RIMS2: variants seen among roughly 807,000 people sequenced by gnomAD.
The protein encoded by RIMS2 is regulating synaptic membrane exocytosis protein 2.
Under a neutral mutation model 174.4 loss-of-function variants are expected in RIMS2, and 59 were observed. The ratio of observed to expected loss-of-function variants is 0.34; its 90% confidence interval spans 0.27 to 0.42. The LOEUF is 0.42. RIMS2 is among the 10% of genes least tolerant of loss of function. RIMS2 has a pLI of 1.00. For synonymous variants in RIMS2, 606 were observed against 572.5 expected (o/e 1.06, Z -0.84); for missense variants, 1,620 against 1,666.3 (o/e 0.97, Z 0.48).
At chr8:104,239,880 T>C (rs1434903070) in intron 19 of RIMS2, among the ~76,000 whole-genome samples, 1 of 152,138 alleles carries the variant, frequency 6.6e-6, no homozygotes, top group Non-Finnish European at 1.5e-5. Context: ...TGGGCTGAGT[T>C]CTTGTCTGGA....
intron 4 of RIMS2, among the ~76,000 whole-genome samples, chr8:103,899,653 C>T (rs1474718014): frequency 6.6e-6 from 1 of 151,540 alleles, no homozygotes; most frequent in Non-Finnish European, 1.5e-5. Context: ...CAAAAATTTT[C>T]TCCCATTCTG....
intron 1 of RIMS2, among the ~76,000 whole-genome samples, chr8:103,571,156 T>A (rs1477612939): frequency 6.6e-6 from 1 of 152,234 alleles, no homozygotes; most frequent in Admixed American, 6.5e-5. Flanking sequence ...CTGTGATGTG[T>A]CTATGCTCTA....
intron 12 of RIMS2, among the ~76,000 whole-genome samples, chr8:103,934,871 G>C (rs1035379056): frequency 1.3e-4 from 19 of 151,898 alleles, no homozygotes; most frequent in African/African-American, 4.6e-4. Flanking sequence ...CTAATTTTTT[G>C]TATTTTTGGT....
At chr8:103,975,488 G>T in exon 16 of RIMS2, 1 of 1,613,212 alleles carries the variant, frequency 6.2e-7, no homozygotes, top group Non-Finnish European at 8.5e-7. Context: ...TGGTCACCCA[G>T]TGTCCCTCCT....
intron 12 of RIMS2, among the ~76,000 whole-genome samples, chr8:103,932,963 T>C (rs888955098): frequency 4.6e-5 from 7 of 151,388 alleles, no homozygotes; most frequent in African/African-American, 1.5e-4. Flanking sequence ...TTGAGACCAG[T>C]CTGGCCAACA....
intron 19 of RIMS2, among the ~76,000 whole-genome samples, chr8:104,226,538 T>C (rs934905289): frequency 6.6e-6 from 1 of 152,226 alleles, no homozygotes; most frequent in East Asian, 1.9e-4. Context: ...TAGGTAGATG[T>C]GCTCCTTTCC....
chr8:104,223,417 G>C, intron 19 of RIMS2: 2 of 1,273,340 alleles, frequency 1.6e-6, no homozygotes, highest in East Asian at 3.3e-5. Flanking sequence ...CGCTCCGCCC[G>C]CCACCGCCTC....
chr8:103,849,294 G>A (rs1404669123), intron 3 of RIMS2, among the ~76,000 whole-genome samples: 2 of 151,984 alleles, frequency 1.3e-5, no homozygotes, highest in African/African-American at 4.8e-5. Flanking sequence ...TTCACTCCTG[G>A]CATTAATTGT....
intron 4 of RIMS2, among the ~76,000 whole-genome samples, chr8:103,909,353 A>G (rs1010811797): frequency 6.6e-6 from 1 of 152,104 alleles, no homozygotes; most frequent in African/African-American, 2.4e-5. Flanking sequence ...GCAAATAAGC[A>G]TGTAAGTTTG....
chr8:103,506,481 AC>A (rs1291600316), intron 1 of RIMS2, among the ~76,000 whole-genome samples: 1 of 152,094 alleles, frequency 6.6e-6, no homozygotes, highest in East Asian at 1.9e-4. Context: ...TTGAGTAATA[AC>A]ACCTATTTTG....
intron 1 of RIMS2, among the ~76,000 whole-genome samples, chr8:103,667,006 G>A: frequency 6.6e-6 from 1 of 152,176 alleles, no homozygotes; most frequent in Non-Finnish European, 1.5e-5. Context: ...AGAATACAGT[G>A]CACCAGGGAG....
rs1246714393 is a variant in RIMS2 at position 103,618,225 on chromosome 8, GA to G, written c.177-78858del. ...CTGGAGGCTAAGTAACACAGGAACA[GA>G]AAGCCAAATACCACATATTCTCACT... On this transcript the variant is annotated intron_variant, in intron 1 of 23. Coordinates refer to ENST00000504942, the Ensembl canonical transcript of RIMS2. Among the ~76,000 whole-genome samples the G allele has an allele frequency of 2.0e-5, 3 of 152,060 alleles. No homozygotes were observed. In the East Asian group the frequency reaches 5.8e-4, roughly 29 times the overall value.
chr8:103,594,066 T>C (rs960780111), intron 1 of RIMS2, among the ~76,000 whole-genome samples: 2 of 151,604 alleles, frequency 1.3e-5, no homozygotes, highest in Non-Finnish European at 1.5e-5. Context: ...ATTTGCAACC[T>C]CAAAATTAAT....
intron 19 of RIMS2, among the ~76,000 whole-genome samples, chr8:104,077,017 A>G (rs1047042522): frequency 6.6e-6 from 1 of 151,824 alleles, no homozygotes; most frequent in South Asian, 2.1e-4. Flanking sequence ...GCAGGGTTTC[A>G]CCACGTTGGC....
At chr8:103,857,984 A>C (rs1483049792) in intron 3 of RIMS2, among the ~76,000 whole-genome samples, 2 of 152,130 alleles carry the variant, frequency 1.3e-5, no homozygotes, top group Admixed American at 1.3e-4. Flanking sequence ...TAATATCCAA[A>C]ATCCAGGATT....
At chr8:103,768,273 G>GGTGC in intron 3 of RIMS2, 2 of 574,640 alleles carry the variant, frequency 3.5e-6, no homozygotes, top group Non-Finnish European at 6.3e-6. Flanking sequence ...GCATTCACCT[G>GGTGC]CTTCAAGATG....
rs554862488 is a variant in RIMS2, at chr8:103,815,301, T to C, written c.698+48764T>C. Among the ~76,000 whole-genome samples, 3 of 152,324 alleles carry C rather than the reference T, an allele frequency of 2.0e-5. No individual in the cohort carries two copies. The South Asian group carries it at 6.2e-4, about 32-fold the overall frequency. On this transcript the variant is annotated intron_variant, in intron 3 of 23. Coordinates refer to ENST00000504942, the Ensembl canonical transcript of RIMS2. ...TCTGGTCAATATTTTGCCAATTTAA[T>C]AGGCAAAATACATTATCTTATTATT... is the stretch of plus-strand genomic sequence containing the variant.
intron 1 of RIMS2, among the ~76,000 whole-genome samples, chr8:103,522,433 G>A (rs10955319): frequency 1.3e-5 from 2 of 152,104 alleles, no homozygotes; most frequent in African/African-American, 4.8e-5. Flanking sequence ...ATGTTAAACA[G>A]AGTTGTTCTG....
chr8:103,717,870 A>G (rs994340796), intron 2 of RIMS2, among the ~76,000 whole-genome samples: 2 of 152,188 alleles, frequency 1.3e-5, no homozygotes, highest in African/African-American at 4.8e-5. Context: ...CTAGTCACAT[A>G]TAGCTAGCTA....
Sources: allele counts gnomAD v4.1 joint callset (sites outside exome capture counted in the v4.1 genomes callset), GRCh38; gene constraint gnomAD v4.1.1; transcripts MANE v1.5; gene names NCBI Gene and HGNC (gene_info 2026-07-23, HGNC 2026-07-21).